The following PDE1A variants were observed in gnomAD, a reference collection of about 807,000 sequenced individuals.
PDE1A encodes phosphodiesterase 1A.
Under a neutral mutation model 61.7 loss-of-function variants are expected in PDE1A, and 35 were observed. The ratio of observed to expected loss-of-function variants is 0.57; its 90% CI spans 0.43 to 0.75. The LOEUF (loss-of-function observed/expected upper bound fraction) is 0.75. Among genes scored for constraint, PDE1A ranks in the 30% least tolerant of loss-of-function variants. The pLI is 0.00. For missense variants in PDE1A, 597 were observed against 630.6 expected, an observed-to-expected ratio of 0.95 and a Z score of 0.57; for synonymous variants, 232 against 213.2, an observed-to-expected ratio of 1.09 and a Z score of -0.77.
the PDE1A span, among the ~76,000 whole-genome samples, chr2:182,671,184 CT>C: frequency 6.7e-6 from 1 of 150,066 alleles, no homozygotes; most frequent in Non-Finnish European, 1.5e-5. Context: ...ACTTTTTTTT[CT>C]TTTGAGACGG....
intron 1 of PDE1A, among the ~76,000 whole-genome samples, chr2:182,347,331 T>A (rs1025303863): frequency 1.3e-5 from 2 of 152,160 alleles, no homozygotes; most frequent in African/African-American, 2.4e-5. Flanking sequence ...ATTTCAACTA[T>A]GAGTCTAATT....
At chr2:182,704,535 T>C in the PDE1A span, among the ~76,000 whole-genome samples, 3 of 152,216 alleles carry the variant, frequency 2.0e-5, no homozygotes, top group Non-Finnish European at 4.4e-5. Context: ...AATCTTTGTT[T>C]ATATGTGCTG....
the PDE1A span, among the ~76,000 whole-genome samples, chr2:182,700,499 G>A: frequency 6.6e-6 from 1 of 151,770 alleles, no homozygotes; most frequent in Non-Finnish European, 1.5e-5. Flanking sequence ...TGAGGCGGGT[G>A]GCTCACAAGG....
the PDE1A span, among the ~76,000 whole-genome samples, chr2:182,626,849 A>G: frequency 5.9e-5 from 2 of 33,750 alleles, no homozygotes; most frequent in Non-Finnish European, 5.8e-5. Context: ...ATATATATAC[A>G]TATATATATA....
chr2:182,500,003 T>A (rs933994069), intron 2 of PDE1A, among the ~76,000 whole-genome samples: 2 of 151,952 alleles, frequency 1.3e-5, no homozygotes, highest in Non-Finnish European at 2.9e-5. Context: ...CAATACCAAT[T>A]AAAAACAACA....
chr2:182,425,506 G>A (rs938709725), intron 1 of PDE1A, among the ~76,000 whole-genome samples: 3 of 152,098 alleles, frequency 2.0e-5, no homozygotes, highest in African/African-American at 7.2e-5. Context: ...TTCAAAGGAA[G>A]ACTTTAAAAC....
chr2:182,362,037 C>A (rs967353631), intron 1 of PDE1A, among the ~76,000 whole-genome samples: 1 of 151,936 alleles, frequency 6.6e-6, no homozygotes, highest in Non-Finnish European at 1.5e-5. Flanking sequence ...GCTTTAGCAT[C>A]GGTTTTCATT....
At chr2:182,713,442 C>A in the PDE1A span, among the ~76,000 whole-genome samples, 1 of 152,020 alleles carries the variant, frequency 6.6e-6, no homozygotes, top group Non-Finnish European at 1.5e-5. Flanking sequence ...ACCAGCCTGA[C>A]CAATATGATG....
At chr2:182,509,123 A>T (rs1339530451) in intron 2 of PDE1A, among the ~76,000 whole-genome samples, 1 of 152,148 alleles carries the variant, frequency 6.6e-6, no homozygotes, top group Admixed American at 6.6e-5. Context: ...GCACCCAGAC[A>T]TTACTGTGCA....
intron 1 of PDE1A, among the ~76,000 whole-genome samples, chr2:182,274,985 A>G (rs1231732355): frequency 6.6e-6 from 1 of 152,172 alleles, no homozygotes; most frequent in East Asian, 1.9e-4. Context: ...ATGAAATACT[A>G]CTAAATAAGT....
upstream of PDE1A, among the ~76,000 whole-genome samples, chr2:182,527,324 AAAAATATATATATATATATATAT>A (rs1690790196): frequency 8.1e-5 from 3 of 37,170 alleles, no homozygotes; most frequent in African/African-American, 3.2e-4. Context: ...AAAAAAAAAA[AAAAATATATATATATATATATAT>A]ATATATATAT....
intron 2 of PDE1A, among the ~76,000 whole-genome samples, chr2:182,261,859 A>G (rs1224519373): frequency 1.3e-5 from 2 of 152,230 alleles, no homozygotes; most frequent in Non-Finnish European, 2.9e-5. Context: ...TAGAAGATGA[A>G]TAACGAAATC....
the PDE1A span, among the ~76,000 whole-genome samples, chr2:182,683,319 C>T: frequency 6.6e-6 from 1 of 151,960 alleles, no homozygotes; most frequent in East Asian, 1.9e-4. Context: ...CCTCATGATC[C>T]ACCCACCTCG....
At chr2:182,562,315 T>C in the PDE1A span, among the ~76,000 whole-genome samples, 2 of 150,446 alleles carry the variant, frequency 1.3e-5, no homozygotes, top group African/African-American at 2.4e-5. Context: ...GAGATAATCA[T>C]GTGGTTTTTG....
chr2:182,629,032 T>C, the PDE1A span, among the ~76,000 whole-genome samples: 1 of 152,152 alleles, frequency 6.6e-6, no homozygotes, highest in Non-Finnish European at 1.5e-5. Flanking sequence ...CAGAACTGCC[T>C]ATGGAGAGGG....
chr2:182,521,230 A>C (rs1690547861), intron 2 of PDE1A, among the ~76,000 whole-genome samples: 1 of 152,060 alleles, frequency 6.6e-6, no homozygotes, highest in African/African-American at 2.4e-5. Context: ...AAAAAATATC[A>C]AACAGGGACA....
chr2:182,474,929 A>T (rs1329619661), intron 2 of PDE1A, among the ~76,000 whole-genome samples: 1 of 151,924 alleles, frequency 6.6e-6, no homozygotes, highest in Non-Finnish European at 1.5e-5. Flanking sequence ...GAGAAGATAA[A>T]CACTGCCACA....
At chr2:182,396,681 T>G (rs914889752) in intron 1 of PDE1A, among the ~76,000 whole-genome samples, 4 of 152,244 alleles carry the variant, frequency 2.6e-5, no homozygotes, top group African/African-American at 9.6e-5. Context: ...TGTTGTTATC[T>G]TTATGTAATA....
chr2:182,425,073 T>C (rs1330964663), intron 1 of PDE1A, among the ~76,000 whole-genome samples: 3 of 152,206 alleles, frequency 2.0e-5, no homozygotes, highest in Admixed American at 6.5e-5. Flanking sequence ...AATTAATTAA[T>C]TAGGAAGAAA....
Sources: allele counts gnomAD v4.1 joint callset (sites outside exome capture counted in the v4.1 genomes callset), GRCh38; gene constraint gnomAD v4.1.1; transcripts MANE v1.5; gene names NCBI Gene and HGNC (gene_info 2026-07-23, HGNC 2026-07-21).